Variants in PGM5 observed in about 807,000 individuals in gnomAD.
PGM5 encodes phosphoglucomutase-like protein 5.
A neutral mutation model predicts 59.2 loss-of-function variants in PGM5; 23 were observed. The observed-to-expected ratio is 0.39, with a 90% confidence interval of 0.28 to 0.55. The LOEUF is 0.55. Among genes scored for constraint, PGM5 ranks in the 20% least tolerant of loss-of-function variants. The pLI is 0.66. For missense variants in PGM5, 574 were observed against 748.3 expected (o/e 0.77, Z 2.72); for synonymous variants, 214 against 286.0 (o/e 0.75, Z 2.54).
chr9:68,357,453 C>T, intron 1 of PGM5, 65 bp downstream of exon 1: 1 of 1,526,260 alleles, frequency 6.6e-7, no homozygotes, highest in Non-Finnish European at 8.8e-7. Flanking sequence ...AGCCCTTGTC[C>T]CCCTGCTGCC....
intron 6 of PGM5, chr9:68,426,714 C>A (rs1163648122): frequency 2.6e-5 from 4 of 151,458 alleles, no homozygotes; most frequent in Non-Finnish European, 5.9e-5. Flanking sequence ...GTCTTTTGAG[C>A]TTTTCACTTC....
In PGM5 at chr9:68,465,939, A is replaced by T. The variant is rs115785673; in HGVS notation, c.1159+731A>T. ...TGTATGCATGTATGTATTTAACCCT[A>T]TGTGGGATTCTCTTGAATTCTTGGC... On this transcript the variant is annotated intron_variant, in intron 7 of 10. Transcript: ENST00000396396. Among the ~76,000 whole-genome samples the T allele has an allele frequency of 8.8e-3, 1,334 of 152,242 alleles. 12 individuals carry two copies. The highest frequency in any genetic ancestry group is 0.03 in the African/African-American group (1,264 of 41,542).
At chr9:68,511,379 G>A (rs911738699) in intron 10 of PGM5, among the ~76,000 whole-genome samples, 3 of 152,042 alleles carry the variant, frequency 2.0e-5, no homozygotes. Context: ...CCCTTTTCCT[G>A]TTATGGCCTG....
At chr9:68,362,511 A>T (rs1797066538) in intron 1 of PGM5, among the ~76,000 whole-genome samples, 1 of 152,240 alleles carries the variant, frequency 6.6e-6, no homozygotes, top group East Asian at 1.9e-4. Context: ...CTATAAAGCA[A>T]AAGAAAAACC....
At chr9:68,370,419 C>T (rs1480182845) in intron 1 of PGM5, among the ~76,000 whole-genome samples, 3 of 152,072 alleles carry the variant, frequency 2.0e-5, no homozygotes, top group Admixed American at 2.0e-4. Flanking sequence ...ACATTCTGCA[C>T]CTACTCCGAA....
At chr9:68,485,667 A>G (rs114804434) in intron 9 of PGM5, among the ~76,000 whole-genome samples, 1,575 of 151,568 alleles carry the variant, frequency 0.01, 27 homozygotes, top group African/African-American at 0.035. Context: ...ATTTCCCCCA[A>G]CCTCTTCTAC....
chr9:68,498,215 A>G (rs1235984335), intron 9 of PGM5: 4 of 152,216 alleles, frequency 2.6e-5, no homozygotes, highest in Non-Finnish European at 4.4e-5. Flanking sequence ...GGGAATTCCC[A>G]GTGAGCTGCT....
chr9:68,495,399 T>C (rs1824467005), intron 9 of PGM5, among the ~76,000 whole-genome samples: 1 of 152,154 alleles, frequency 6.6e-6, no homozygotes, highest in Non-Finnish European at 1.5e-5. Flanking sequence ...GGCAGCCATA[T>C]CGAAAAGGGA....
chr9:68,510,066 A>G (rs1554689263), intron 10 of PGM5, among the ~76,000 whole-genome samples: 1 of 151,454 alleles, frequency 6.6e-6, no homozygotes, highest in African/African-American at 2.4e-5. Context: ...GTTAGGGAGC[A>G]CCCCAACAAG....
chr9:68,502,477 A>ACAATAT (rs1165352618), intron 10 of PGM5, among the ~76,000 whole-genome samples: 8 of 152,130 alleles, frequency 5.3e-5, no homozygotes, highest in Non-Finnish European at 1.0e-4. Flanking sequence ...TAGTTAAGGA[A>ACAATAT]CAATAGAAGA....
chr9:68,480,511 G>T (rs1824179324), intron 8 of PGM5, among the ~76,000 whole-genome samples: 1 of 152,004 alleles, frequency 6.6e-6, no homozygotes, highest in Non-Finnish European at 1.5e-5. Flanking sequence ...TTGAGACCAG[G>T]CTGACCAACA....
At chr9:68,421,553 C>T (rs1564001201) in intron 6 of PGM5, among the ~76,000 whole-genome samples, 1 of 151,900 alleles carries the variant, frequency 6.6e-6, no homozygotes, top group Non-Finnish European at 1.5e-5. Flanking sequence ...CCTGTCTTTA[C>T]TAAAAATACA....
At chr9:68,459,771 C>T (rs1823830328) in intron 6 of PGM5, among the ~76,000 whole-genome samples, 1 of 151,906 alleles carries the variant, frequency 6.6e-6, no homozygotes, top group African/African-American at 2.4e-5. Context: ...TCCCTGATCT[C>T]TAGTGATCTT....
chr9:68,363,324 G>C (rs1170444014), intron 1 of PGM5, among the ~76,000 whole-genome samples: 2 of 152,308 alleles, frequency 1.3e-5, no homozygotes, highest in Non-Finnish European at 2.9e-5. Flanking sequence ...AATGTGGCTA[G>C]AGCAACTGAA....
At chr9:68,436,315 T>A (rs1186450843) in intron 6 of PGM5, among the ~76,000 whole-genome samples, 1 of 152,136 alleles carries the variant, frequency 6.6e-6, no homozygotes, top group Non-Finnish European at 1.5e-5. Flanking sequence ...GTAATTTGAA[T>A]ATATAAGAAG....
At chr9:68,416,380 C>T (rs1823032951) in intron 6 of PGM5, among the ~76,000 whole-genome samples, 1 of 152,176 alleles carries the variant, frequency 6.6e-6, no homozygotes, top group Admixed American at 6.5e-5. Flanking sequence ...CTAGCGTGCT[C>T]ATGCAGGATT....
chr9:68,469,639 G>A (rs548680622), intron 7 of PGM5, among the ~76,000 whole-genome samples: 2 of 152,312 alleles, frequency 1.3e-5, no homozygotes, highest in African/African-American at 4.8e-5. Context: ...TTTGCTGGAT[G>A]CTTCCATGCA....
chr9:68,527,789 T>C (rs58052171), intron 10 of PGM5, among the ~76,000 whole-genome samples: 11,647 of 152,248 alleles, frequency 0.077, 1,506 homozygotes, highest in African/African-American at 0.27. Context: ...ATTTAATACA[T>C]GTAACCATAA....
chr9:68,399,280 A>G (rs1461504433), intron 6 of PGM5: 1 of 151,892 alleles, frequency 6.6e-6, no homozygotes, highest in Non-Finnish European at 1.5e-5. Context: ...CCCTGTGGAT[A>G]TGTGTGAGAA....
Sources: gnomAD v4.1 joint callset for allele counts (sites outside exome capture counted in the v4.1 genomes callset) on GRCh38, gnomAD v4.1.1 for gene constraint, MANE v1.5 for transcripts, NCBI Gene and HGNC (gene_info 2026-07-23, HGNC 2026-07-21) for gene names.